The following SLCO1A2 variants were observed in gnomAD, a reference collection of about 807,000 sequenced individuals.
The protein encoded by SLCO1A2 is OATP-1.
SLCO1A2 carries 67 observed loss-of-function variants against 69.0 expected under a neutral mutation model. The ratio of observed to expected loss-of-function variants is 0.97; its 90% confidence interval spans 0.80 to 1.19. SLCO1A2 has a LOEUF of 1.19. SLCO1A2 is among the 50% of genes most tolerant of loss of function. The probability of loss-of-function intolerance (pLI) is 0.00; values close to 1 mark genes in which losing one functional copy is unlikely to be tolerated. For missense variants in SLCO1A2, 787 were observed against 793.7 expected, an observed-to-expected ratio of 0.99 and a Z score of 0.10; for synonymous variants, 260 against 265.9, an observed-to-expected ratio of 0.98 and a Z score of 0.22.
At chr12:21,406,997 A>C (rs961355478) in intron 1 of SLCO1A2, among the ~76,000 whole-genome samples, 2 of 152,134 alleles carry the variant, frequency 1.3e-5, no homozygotes, top group African/African-American at 2.4e-5. Context: ...CCCTGGCCCC[A>C]TGCCTGGCTC....
Position 21,366,388 on chromosome 12 carries a change from C to T in SLCO1A2, c.-63+8011G>A, listed in dbSNP as rs191262752. Among the ~76,000 whole-genome samples, 697 of 107,050 alleles carry T rather than the reference C, an allele frequency of 6.5e-3. 9 individuals carry two copies. The highest frequency in any genetic ancestry group is 0.024 in the African/African-American group (663 of 27,534). 70.2% of individuals were successfully genotyped at this position (107,050 alleles called of 152,430 possible). A position where few individuals can be genotyped will look rare whatever the true frequency, so the allele number is the denominator to read the frequency against. ...CACAGGGTGGGGAACATCACACACA[C>T]GGGCCTGCCGGGGGGTGGGCGGGGG... On this transcript the variant is annotated intron_variant, in intron 2 of 15. Coordinates refer to the SLCO1A2 transcript ENST00000307378.
intron 1 of SLCO1A2, among the ~76,000 whole-genome samples, chr12:21,412,395 A>G (rs190457175): frequency 1.4e-4 from 22 of 152,210 alleles, no homozygotes; most frequent in African/African-American, 5.1e-4. Context: ...AAAAAAAGGT[A>G]TATCTATGAA....
chr12:21,313,499 C>A (rs1339243215), intron 4 of SLCO1A2, among the ~76,000 whole-genome samples: 2 of 151,980 alleles, frequency 1.3e-5, no homozygotes, highest in East Asian at 3.9e-4. Flanking sequence ...ATTGCTTGAA[C>A]CCAGGGGTTC....
intron 4 of SLCO1A2, among the ~76,000 whole-genome samples, chr12:21,312,993 A>C (rs866894058): frequency 9.2e-5 from 14 of 152,246 alleles, no homozygotes; most frequent in African/African-American, 3.4e-4. Flanking sequence ...GGCTGAAGTG[A>C]GAGGATCACC....
chr12:21,346,722 C>T (rs922415656), intron 2 of SLCO1A2, among the ~76,000 whole-genome samples: 8 of 152,180 alleles, frequency 5.3e-5, no homozygotes, highest in African/African-American at 1.9e-4. Flanking sequence ...CTTGAATTTG[C>T]AGACATAACT....
At chr12:21,341,853 A>G (rs1253348378) in intron 2 of SLCO1A2, among the ~76,000 whole-genome samples, 1 of 152,082 alleles carries the variant, frequency 6.6e-6, no homozygotes, top group Non-Finnish European at 1.5e-5. Flanking sequence ...GATAGTGTCC[A>G]TTCAGATTTC....
chr12:21,339,824 G>A (rs1324553928), upstream of SLCO1A2, among the ~76,000 whole-genome samples: 1 of 151,930 alleles, frequency 6.6e-6, no homozygotes, highest in Non-Finnish European at 1.5e-5. Flanking sequence ...GGTGGCATTG[G>A]AGTGGAAAAC....
intron 2 of SLCO1A2, among the ~76,000 whole-genome samples, chr12:21,349,492 C>T (rs2137006902): frequency 6.6e-6 from 1 of 152,238 alleles, no homozygotes; most frequent in East Asian, 1.9e-4. Flanking sequence ...ACACTGTTGC[C>T]TTCCATCTGG....
At chr12:21,318,403 G>A (rs565481400) in intron 3 of SLCO1A2, among the ~76,000 whole-genome samples, 1 of 152,254 alleles carries the variant, frequency 6.6e-6, no homozygotes, top group Admixed American at 6.5e-5. Context: ...ACAGGCATGA[G>A]CCACCTCGCC....
chr12:21,280,711 A>T (rs1309414992), intron 12 of SLCO1A2, among the ~76,000 whole-genome samples: 1 of 151,750 alleles, frequency 6.6e-6, no homozygotes, highest in Non-Finnish European at 1.5e-5. Flanking sequence ...ACAAAGAAAC[A>T]TTGGATTTCA....
At position 21,295,756 on chromosome 12, in the gene SLCO1A2, A is replaced by T; in HGVS notation, c.1112T>A (p.Ile371Lys). ...YNLPPICIGY[I>K]IGGLIMKKFK... ...CTTCTTCATAATTAAACCACCAATT[A>T]TATATCCAATACATATTGGAGGTAA... The change falls in exon 10 of 15, where the codon ATA becomes AAA. Residue 371 changes from isoleucine (I) to lysine (K), a missense_variant. Coordinates refer to ENST00000683939, the MANE Select transcript of SLCO1A2 (RefSeq NM_001386879.1). 6.3e-7 allele frequency: 1 copy of T among 1,591,932 alleles called. No homozygotes were observed.
intron 2 of SLCO1A2, among the ~76,000 whole-genome samples, chr12:21,365,728 A>T (rs1939322772): frequency 1.3e-5 from 2 of 152,236 alleles, no homozygotes; most frequent in African/African-American, 4.8e-5. Flanking sequence ...CCCATTAAAA[A>T]GTGGGTGAAG....
At chr12:21,346,383 G>A (rs1176116212) in intron 2 of SLCO1A2, among the ~76,000 whole-genome samples, 4 of 152,130 alleles carry the variant, frequency 2.6e-5, no homozygotes, top group Non-Finnish European at 5.9e-5. Flanking sequence ...GAGCAAACAC[G>A]GATATATTTT....
At chr12:21,301,048 C>T (rs1025812384) in intron 7 of SLCO1A2, 123 bp downstream of exon 7, 5 of 520,796 alleles carry the variant, frequency 9.6e-6, no homozygotes, top group Admixed American at 4.0e-5. Context: ...TAGAGTTTCT[C>T]ACTTTTAAAG....
At chr12:21,319,502 T>C (rs1267364298) in intron 2 of SLCO1A2, 15 of 1,346,006 alleles carry the variant, frequency 1.1e-5, no homozygotes, top group Non-Finnish European at 1.5e-5. Context: ...TAGGATGCTC[T>C]GCAACCCTTG....
Position 21,319,391 on chromosome 12 carries a change from T to C in SLCO1A2, c.61-468A>G, listed in dbSNP as rs762051852. ...GATTACCTTGGCCGACTCCACTCTT[T>C]CCTGTTCTTGCTTGCAATTCTTGGT... On this transcript the variant is annotated intron_variant, in intron 2 of 14. Transcript: ENST00000683939. The C allele has an allele frequency of 4.4e-6, 6 of 1,367,904 alleles. No individual in the cohort carries two copies. The East Asian group carries it at 1.8e-4, about 41-fold the overall frequency. 84.7% of individuals were successfully genotyped at this position (1,367,904 alleles called of 1,614,324 possible).
intron 2 of SLCO1A2, among the ~76,000 whole-genome samples, chr12:21,357,361 C>A (rs1938451793): frequency 6.6e-6 from 1 of 152,132 alleles, no homozygotes; most frequent in Non-Finnish European, 1.5e-5. Flanking sequence ...CTTCTCCAAA[C>A]CAACAAGATT....
chr12:21,392,528 A>C (rs1427268534), intron 1 of SLCO1A2, among the ~76,000 whole-genome samples: 1 of 152,208 alleles, frequency 6.6e-6, no homozygotes, highest in African/African-American at 2.4e-5. Flanking sequence ...TTAAATCAGA[A>C]GAAAGAATAG....
chr12:21,400,024 A>G (rs1334090292), upstream of SLCO1A2, among the ~76,000 whole-genome samples: 2 of 151,694 alleles, frequency 1.3e-5, no homozygotes, highest in Non-Finnish European at 3.0e-5. Context: ...AAATTGACAA[A>G]TGGGATCTAA....
Sources: allele counts gnomAD v4.1 joint callset (sites outside exome capture counted in the v4.1 genomes callset), GRCh38; gene constraint gnomAD v4.1.1; transcripts MANE v1.5; gene names NCBI Gene and HGNC (gene_info 2026-07-23, HGNC 2026-07-21).